GPC6: variants seen among roughly 807,000 people sequenced by gnomAD.
GPC6 encodes the protein glypican-6.
In GPC6, 14 loss-of-function variants were observed where a neutral mutation model predicts 55.2. The ratio of observed to expected loss-of-function variants is 0.25; its 90% CI spans 0.17 to 0.40. The LOEUF (loss-of-function observed/expected upper bound fraction) is 0.40, where lower values mean the gene tolerates loss of function less well. Among genes scored for constraint, GPC6 ranks in the 10% least tolerant of loss-of-function variants. The pLI is 1.00. For missense variants in GPC6, 641 were observed against 708.5 expected, an observed-to-expected ratio of 0.90 and a Z score of 1.08; for synonymous variants, 278 against 259.6, an observed-to-expected ratio of 1.07 and a Z score of -0.68.
Position 94,022,631 on chromosome 13 carries a change from G to A in GPC6, c.712-5098G>A, listed in dbSNP as rs539870154. Among the ~76,000 whole-genome samples the A allele has an allele frequency of 6.6e-5, 10 of 152,012 alleles. No homozygotes were observed. In the South Asian group the frequency reaches 2.1e-3, roughly 32 times the overall value. On this transcript the variant is annotated intron_variant, in intron 3 of 8. Coordinates refer to ENST00000377047, the MANE Select transcript of GPC6 (RefSeq NM_005708.5). ...AAAAGGGATTACTGGACTTTATACT[G>A]GTTTTTATTTTTAGTTTCTTTAGGA...
chr13:93,243,080 A>G (rs1180817258), intron 1 of GPC6, among the ~76,000 whole-genome samples: 4 of 152,180 alleles, frequency 2.6e-5, no homozygotes, highest in African/African-American at 7.2e-5. Flanking sequence ...AAGTCCCCAG[A>G]TCGCAGCCCG....
chr13:93,825,648 T>G lies in GPC6; in HGVS notation c.320-4506T>G, dbSNP rs1222771823. Among the ~76,000 whole-genome samples, 6 of 152,222 alleles carry G rather than the reference T, an allele frequency of 3.9e-5. No individual in the cohort carries two copies. The South Asian group carries it at 1.2e-3, about 32-fold the overall frequency. On this transcript the variant is annotated intron_variant, in intron 2 of 8. Transcript: ENST00000377047. Reference sequence around the variant, plus strand: ...CATTTTCCTGCAGATTATATCAGGCTGTTACATAAGCAAGATGCCTTTTGA... The same window carrying G: ...CATTTTCCTGCAGATTATATCAGGCGGTTACATAAGCAAGATGCCTTTTGA...
chr13:94,028,527 C>T (rs1035180641), intron 4 of GPC6, among the ~76,000 whole-genome samples: 1 of 151,330 alleles, frequency 6.6e-6, no homozygotes, highest in Non-Finnish European at 1.5e-5. Flanking sequence ...AAAAAGTCCA[C>T]TGTACTATTT....
chr13:94,105,081 G>C (rs1291947938), intron 4 of GPC6, among the ~76,000 whole-genome samples: 9 of 152,252 alleles, frequency 5.9e-5, no homozygotes. Context: ...ATTTCTTAAG[G>C]GTAGAACTGA....
intron 4 of GPC6, among the ~76,000 whole-genome samples, chr13:94,038,786 G>T (rs1289078829): frequency 6.6e-6 from 1 of 151,884 alleles, no homozygotes; most frequent in African/African-American, 2.4e-5. Context: ...GTAGAAAGGA[G>T]GAAGCAAGAG....
chr13:94,125,216 G>C (rs1886763382), intron 4 of GPC6, among the ~76,000 whole-genome samples: 1 of 152,008 alleles, frequency 6.6e-6, no homozygotes, highest in Non-Finnish European at 1.5e-5. Flanking sequence ...TCTATTTTAT[G>C]AACCAATAAT....
At position 94,337,509 on chromosome 13, in the gene GPC6, G is replaced by A. The variant is rs544184864; in HGVS notation, c.1152+31386G>A. ...TTCACCCAGGCTGGAGTGCAGTGGC[G>A]CAATCTCAGCTCACCACAACCTCCA... On this transcript the variant is annotated intron_variant, in intron 6 of 8. Coordinates refer to ENST00000377047, the MANE Select transcript of GPC6 (RefSeq NM_005708.5). Among the ~76,000 whole-genome samples, 13 of 151,252 alleles carry A rather than the reference G, an allele frequency of 8.6e-5. No individual in the cohort carries two copies. In the East Asian group the frequency reaches 9.8e-4, roughly 11 times the overall value.
At chr13:93,761,511 T>C (rs1884953267) in intron 2 of GPC6, among the ~76,000 whole-genome samples, 1 of 152,188 alleles carries the variant, frequency 6.6e-6, no homozygotes, top group African/African-American at 2.4e-5. Context: ...CTTTGCTTTT[T>C]AGTTTTAAAA....
Position 93,339,264 on chromosome 13 carries a change from A to G in GPC6, c.160+111648A>G, listed in dbSNP as rs139326086. ...ATATTCCTACTGATTATTCTTGCAT[A>G]CATAGATTGGGTCATGCCACAATTT... On this transcript the variant is annotated intron_variant, in intron 1 of 8. Transcript: ENST00000377047. Among the ~76,000 whole-genome samples the G allele has an allele frequency of 5.3e-3, 810 of 152,146 alleles. 2 individuals carry two copies. The highest frequency in any genetic ancestry group is 0.011 in the South Asian group (52 of 4,802).
Position 93,231,417 on chromosome 13 carries a change from ATATATACG to A in GPC6, c.160+3808_160+3815del, listed in dbSNP as rs1566533723. ...TATATGTATATATATATATATATAT[ATATATACG>A]TATATATATATATATAGTCTGGTAT... On this transcript the variant is annotated intron_variant, in intron 1 of 8. Coordinates refer to ENST00000377047, the MANE Select transcript of GPC6 (RefSeq NM_005708.5). Among the ~76,000 whole-genome samples the A allele has an allele frequency of 2.5e-3, 122 of 48,892 alleles. 1 individual carries two copies. Among genetic ancestry groups the A allele is most frequent in the African/African-American group, 9.8e-3 (104 of 10,584 alleles). 32.1% of individuals were successfully genotyped at this position (48,892 alleles called of 152,430 possible). A position where few individuals can be genotyped will look rare whatever the true frequency, so the allele number is the denominator to read the frequency against.
Position 93,500,985 on chromosome 13 carries a change from T to G in GPC6, c.161-44278T>G, listed in dbSNP as rs572686808. Among the ~76,000 whole-genome samples the G allele has an allele frequency of 5.9e-5, 9 of 152,318 alleles. 1 individual carries two copies. In the South Asian group the frequency reaches 1.9e-3, roughly 32 times the overall value. Reference sequence around the variant, plus strand: ...GCACTGTTGTGTTAACAAGAACTTTTTGTTACTTTATGCACATTTTCTGTA... The same window carrying G: ...GCACTGTTGTGTTAACAAGAACTTTGTGTTACTTTATGCACATTTTCTGTA... On this transcript the variant is annotated intron_variant, in intron 1 of 8. Transcript: ENST00000377047.
intron 2 of GPC6, among the ~76,000 whole-genome samples, chr13:93,641,198 C>T (rs1879919996): frequency 6.6e-6 from 1 of 151,988 alleles, no homozygotes; most frequent in Non-Finnish European, 1.5e-5. Flanking sequence ...TATCCCCTTG[C>T]TCTTACACTG....
chr13:93,222,296 A>G (rs1875647154), upstream of GPC6, among the ~76,000 whole-genome samples: 1 of 152,236 alleles, frequency 6.6e-6, no homozygotes, highest in South Asian at 2.1e-4. Context: ...AAAAAATTTA[A>G]AATCAACCAA....
intron 3 of GPC6, among the ~76,000 whole-genome samples, chr13:93,953,927 T>C (rs1879378513): frequency 6.6e-6 from 1 of 152,204 alleles, no homozygotes; most frequent in Non-Finnish European, 1.5e-5. Flanking sequence ...TCACATAAAA[T>C]TCACTGTTTT....
At position 94,194,944 on chromosome 13, in the gene GPC6, C is replaced by CCA. The variant is rs963256428; in HGVS notation, c.878-91392_878-91391dup. Reference sequence around the variant, plus strand: ...ATTTATGTGTGTATATGTACCCTTCCCACACACACACACATAACCAAGGGC... The same window carrying CCA: ...ATTTATGTGTGTATATGTACCCTTCCCACACACACACACACATAACCAAGGGC... On this transcript the variant is annotated intron_variant, in intron 4 of 8. Coordinates refer to ENST00000377047, the MANE Select transcript of GPC6 (RefSeq NM_005708.5). Among the ~76,000 whole-genome samples, 12 of 150,988 alleles carry CCA rather than the reference C, an allele frequency of 7.9e-5. No homozygotes were observed. In the South Asian group the frequency reaches 8.4e-4, roughly 11 times the overall value.
intron 2 of GPC6, among the ~76,000 whole-genome samples, chr13:93,622,247 G>GTAT (rs1878989668): frequency 6.6e-6 from 1 of 152,296 alleles, no homozygotes; most frequent in South Asian, 2.1e-4. Context: ...ACTCAACTAT[G>GTAT]TATTAGGCAT....
rs1353678438 is a variant in GPC6, at chr13:94,162,970, G to A, written c.878-123379G>A. ...CAAGAAATAGCCTCTTTCACCTTTG[G>A]TTGTTTCTCTCAGGATAGAAATAGC... On this transcript the variant is annotated intron_variant, in intron 4 of 8. Coordinates refer to ENST00000377047, the MANE Select transcript of GPC6 (RefSeq NM_005708.5). Among the ~76,000 whole-genome samples, 3 of 152,148 alleles carry A rather than the reference G, an allele frequency of 2.0e-5. No homozygotes were observed. In the East Asian group the frequency reaches 5.8e-4, roughly 29 times the overall value.
At chr13:93,649,500 G>A (rs763830935) in intron 2 of GPC6, among the ~76,000 whole-genome samples, 12 of 152,030 alleles carry the variant, frequency 7.9e-5, no homozygotes, top group Non-Finnish European at 1.6e-4. Flanking sequence ...CAAACACAAC[G>A]CATGGTATAT....
At chr13:93,585,486 A>G (rs1361161195) in intron 2 of GPC6, among the ~76,000 whole-genome samples, 1 of 152,246 alleles carries the variant, frequency 6.6e-6, no homozygotes, top group Non-Finnish European at 1.5e-5. Flanking sequence ...CTGACATTAC[A>G]TCACTAAGTG....
Sources: gnomAD v4.1 joint callset for allele counts (sites outside exome capture counted in the v4.1 genomes callset) on GRCh38, gnomAD v4.1.1 for gene constraint, MANE v1.5 for transcripts, NCBI Gene and HGNC (gene_info 2026-07-23, HGNC 2026-07-21) for gene names.